The following RAPGEF4 variants were observed in gnomAD, a reference collection of about 807,000 sequenced individuals.
RAPGEF4 encodes RAP guanine-nucleotide-exchange factor (GEF) 4.
RAPGEF4 carries 66 observed loss-of-function variants against 147.9 expected under a neutral mutation model. The ratio of observed to expected loss-of-function variants is 0.45; its 90% CI spans 0.37 to 0.55. The LOEUF is 0.55. RAPGEF4 is among the 20% of genes least tolerant of loss of function. RAPGEF4 has a pLI of 0.00. For synonymous variants in RAPGEF4, 419 were observed against 442.7 expected, an observed-to-expected ratio of 0.95 and a Z score of 0.67; for missense variants, 1,071 against 1,257.3, an observed-to-expected ratio of 0.85 and a Z score of 2.24.
At chr2:172,880,410 GTCT>G (rs1696472700) in intron 4 of RAPGEF4, among the ~76,000 whole-genome samples, 1 of 152,202 alleles carries the variant, frequency 6.6e-6, no homozygotes, top group Non-Finnish European at 1.5e-5. Context: ...TTACATGTCA[GTCT>G]TCTTCTTTAC....
At chr2:172,975,804 A>T (rs944199440) in intron 10 of RAPGEF4, among the ~76,000 whole-genome samples, 3 of 152,130 alleles carry the variant, frequency 2.0e-5, no homozygotes, top group South Asian at 4.1e-4. Flanking sequence ...ACTCCATCCA[A>T]ATTTATTTGT....
rs570382976 is a variant in RAPGEF4, at chr2:172,982,829, G to A, written c.1005-667G>A. Among the ~76,000 whole-genome samples the A allele has an allele frequency of 2.6e-5, 4 of 152,304 alleles. No individual in the cohort carries two copies. In the South Asian group the frequency reaches 8.3e-4, roughly 32 times the overall value. ...TAAACTGATTAATATCTGGTGGGCA[G>A]TGGTGGTTTTTGTAACAAGAGTTTG... On this transcript the variant is annotated intron_variant, in intron 10 of 30. Transcript: ENST00000397081.
chr2:172,985,833 G>A (rs1692191787), intron 12 of RAPGEF4, among the ~76,000 whole-genome samples: 1 of 152,148 alleles, frequency 6.6e-6, no homozygotes, highest in Non-Finnish European at 1.5e-5. Flanking sequence ...TTTTCCCAGT[G>A]ACCTCATTTC....
intron 4 of RAPGEF4, among the ~76,000 whole-genome samples, chr2:172,828,567 A>C (rs902542286): frequency 6.6e-6 from 1 of 152,172 alleles, no homozygotes; most frequent in Non-Finnish European, 1.5e-5. Context: ...GCAGAAACAC[A>C]TAAGACACCC....
At chr2:173,034,809 G>C (rs921190808) in intron 27 of RAPGEF4, among the ~76,000 whole-genome samples, 2 of 151,768 alleles carry the variant, frequency 1.3e-5, no homozygotes, top group African/African-American at 4.8e-5. Flanking sequence ...GGAGGTGGCG[G>C]CTACAGTGAG....
At chr2:172,977,092 C>T (rs1691154766) in intron 10 of RAPGEF4, among the ~76,000 whole-genome samples, 1 of 152,208 alleles carries the variant, frequency 6.6e-6, no homozygotes, top group Non-Finnish European at 1.5e-5. Context: ...GGCTGCCACT[C>T]AGAGCAGCCA....
At chr2:172,963,566 C>G (rs1689519397) in intron 8 of RAPGEF4, among the ~76,000 whole-genome samples, 1 of 152,132 alleles carries the variant, frequency 6.6e-6, no homozygotes, top group Non-Finnish European at 1.5e-5. Context: ...CTCTTTTGTG[C>G]TCCATTGTAC....
rs1559162226 is a variant in RAPGEF4 at position 172,983,476 on chromosome 2, T to TC, written c.1005-20_1005-19insC. 10 of 1,574,862 alleles carry TC rather than the reference T, an allele frequency of 6.3e-6. No individual in the cohort carries two copies. The highest frequency in any genetic ancestry group is 8.6e-6 in the Non-Finnish European group (10 of 1,166,110). On this transcript the variant is annotated intron_variant, in intron 10 of 30. Coordinates refer to ENST00000397081, the MANE Select transcript of RAPGEF4 (RefSeq NM_007023.4). ...TGATGCCCTTTTTCCATATTCCTTTTTTTTTTTTTATCTTTGTAGACCTGG... is the reference window on the plus strand; with the variant it reads ...TGATGCCCTTTTTCCATATTCCTTTTCTTTTTTTTTATCTTTGTAGACCTGG...
intron 30 of RAPGEF4, among the ~76,000 whole-genome samples, chr2:173,050,061 G>A (rs961396578): frequency 1.1e-4 from 16 of 152,160 alleles, no homozygotes; most frequent in African/African-American, 3.9e-4. Context: ...GAGCTTCTTT[G>A]GAAGTAAATC....
chr2:172,861,974 C>G (rs530782812), intron 4 of RAPGEF4, among the ~76,000 whole-genome samples: 1 of 152,294 alleles, frequency 6.6e-6, no homozygotes, highest in South Asian at 2.1e-4. Context: ...CAAAAAAGAC[C>G]CTTTTCAAAG....
In RAPGEF4 at chr2:172,822,169, G is replaced by C. The variant is rs58495901; in HGVS notation, c.444+7744G>C. ...TTGTTTGTGGTGTGTGTGGGGCCAGGGGGTGAGTGGTGGCTCATCTTTCTG... is the reference window on the plus strand; with the variant it reads ...TTGTTTGTGGTGTGTGTGGGGCCAGCGGGTGAGTGGTGGCTCATCTTTCTG... On this transcript the variant is annotated intron_variant, in intron 4 of 30. Coordinates refer to ENST00000397081, the MANE Select transcript of RAPGEF4 (RefSeq NM_007023.4). Among the ~76,000 whole-genome samples, 848 of 152,264 alleles carry C rather than the reference G, an allele frequency of 5.6e-3. 11 individuals carry two copies. Among genetic ancestry groups the C allele is most frequent in the African/African-American group, 0.019 (795 of 41,520 alleles).
chr2:172,942,243 C>T (rs917807637), intron 6 of RAPGEF4, among the ~76,000 whole-genome samples: 1 of 149,222 alleles, frequency 6.7e-6, no homozygotes, highest in Non-Finnish European at 1.5e-5. Context: ...ATTACTTTTG[C>T]ACCACAATTA....
intron 1 of RAPGEF4, among the ~76,000 whole-genome samples, chr2:172,751,183 G>C (rs1433753532): frequency 1.3e-5 from 2 of 152,184 alleles, no homozygotes; most frequent in South Asian, 2.1e-4. Flanking sequence ...TCTGATTGTA[G>C]TAATTTACTT....
intron 4 of RAPGEF4, among the ~76,000 whole-genome samples, chr2:172,898,365 C>G (rs183624457): frequency 1.3e-5 from 2 of 152,300 alleles, no homozygotes; most frequent in East Asian, 3.9e-4. Flanking sequence ...CCACCTCCCA[C>G]TCAGCATTAC....
chr2:172,777,230 G>A (rs1684256423), intron 1 of RAPGEF4, among the ~76,000 whole-genome samples: 2 of 152,208 alleles, frequency 1.3e-5, no homozygotes, highest in South Asian at 4.2e-4. Flanking sequence ...CTCTGCCTGT[G>A]TTCCAGAAAG....
chr2:172,946,988 T>C (rs1410822297), intron 6 of RAPGEF4, among the ~76,000 whole-genome samples: 1 of 152,244 alleles, frequency 6.6e-6, no homozygotes, highest in Non-Finnish European at 1.5e-5. Flanking sequence ...TATCATTAAA[T>C]GTGCTTCACT....
At chr2:172,962,166 T>C (rs913873304) in intron 8 of RAPGEF4, among the ~76,000 whole-genome samples, 4 of 152,170 alleles carry the variant, frequency 2.6e-5, no homozygotes, top group South Asian at 2.1e-4. Context: ...GAATTGCCAA[T>C]ATGTGGCACA....
At chr2:172,952,840 C>T (rs1176220370) in intron 6 of RAPGEF4, among the ~76,000 whole-genome samples, 1 of 152,200 alleles carries the variant, frequency 6.6e-6, no homozygotes, top group Non-Finnish European at 1.5e-5. Context: ...CTGCCTCTCT[C>T]CACTAGAAGA....
At chr2:172,892,583 T>A (rs1001592904) in intron 4 of RAPGEF4, among the ~76,000 whole-genome samples, 1 of 152,240 alleles carries the variant, frequency 6.6e-6, no homozygotes, top group Non-Finnish European at 1.5e-5. Context: ...TCACCTCAGA[T>A]AACAGGGGAT....
Sources: allele counts gnomAD v4.1 joint callset (sites outside exome capture counted in the v4.1 genomes callset), GRCh38; gene constraint gnomAD v4.1.1; transcripts MANE v1.5; gene names NCBI Gene and HGNC (gene_info 2026-07-23, HGNC 2026-07-21).